NUDT19: variants seen among roughly 807,000 people sequenced by gnomAD.
The protein encoded by NUDT19 is nudix hydrolase 19.
NUDT19 carries 31 observed loss-of-function variants against 22.2 expected under a neutral mutation model. The observed-to-expected ratio is 1.40, with a 90% CI of 1.05 to 1.89. The LOEUF (loss-of-function observed/expected upper bound fraction) is 1.89. Among genes scored for constraint, NUDT19 ranks in the 40% most tolerant of loss-of-function variants. The pLI is 0.00. For synonymous variants in NUDT19, 325 were observed against 230.8 expected (o/e 1.41, Z -3.70); for missense variants, 752 against 514.2 (o/e 1.46, Z -4.47).
At chr19:32,694,121 G>C (rs1210829218) in intron 1 of NUDT19, among the ~76,000 whole-genome samples, 1 of 152,186 alleles carries the variant, frequency 6.6e-6, no homozygotes, top group African/African-American at 2.4e-5. Flanking sequence ...TGACAAGGAG[G>C]TTAAAAATAC....
intron 1 of NUDT19, among the ~76,000 whole-genome samples, chr19:32,705,293 G>A (rs570128136): frequency 6.6e-6 from 1 of 151,266 alleles, no homozygotes; most frequent in South Asian, 2.1e-4. Context: ...TCATGGTGGT[G>A]GGCGCCTATA....
chr19:32,700,796 G>C (rs915789088), intron 1 of NUDT19, among the ~76,000 whole-genome samples: 8 of 152,092 alleles, frequency 5.3e-5, no homozygotes, highest in African/African-American at 1.9e-4. Context: ...AGCATTTTGG[G>C]AGAAGAAGGC....
At chr19:32,692,706 G>C (rs761082926) in intron 1 of NUDT19, 32 bp downstream of exon 1, 1 of 1,412,594 alleles carries the variant, frequency 7.1e-7, no homozygotes, top group Non-Finnish European at 9.2e-7. Context: ...GCTGCGGACC[G>C]CCAGGACGTG....
intron 1 of NUDT19, among the ~76,000 whole-genome samples, chr19:32,697,613 G>A (rs1422970335): frequency 1.3e-5 from 2 of 152,154 alleles, no homozygotes; most frequent in African/African-American, 4.8e-5. Context: ...CTGACATACG[G>A]CTTGCTGACT....
chr19:32,701,214 T>TTG (rs1968332212), intron 1 of NUDT19, among the ~76,000 whole-genome samples: 1 of 146,966 alleles, frequency 6.8e-6, no homozygotes, highest in Non-Finnish European at 1.5e-5. Flanking sequence ...TTTTTTTTTT[T>TTG]TTTTTTTTTG....
At chr19:32,702,906 C>T (rs1968350465) in intron 1 of NUDT19, among the ~76,000 whole-genome samples, 1 of 152,112 alleles carries the variant, frequency 6.6e-6, no homozygotes, top group Non-Finnish European at 1.5e-5. Context: ...CAGCAATATA[C>T]TTATTTGTTC....
In NUDT19 at chr19:32,711,610, A is replaced by G. The variant is rs564490544; in HGVS notation, c.923-142A>G. ...TCTCAGTTCCAAACATATGAAATAG[A>G]TAAAAATACTGATTTGTATTTCATT... On this transcript the variant is annotated intron_variant, in intron 2 of 2. Transcript: ENST00000397061. 106 of 614,718 alleles carry G rather than the reference A, an allele frequency of 1.7e-4. No individual in the cohort carries two copies. In the South Asian group the frequency reaches 2.0e-3, roughly 12 times the overall value. 38.1% of individuals were successfully genotyped at this position (614,718 alleles called of 1,614,324 possible).
chr19:32,700,308 G>A (rs1380194142), intron 1 of NUDT19, among the ~76,000 whole-genome samples: 1 of 152,158 alleles, frequency 6.6e-6, no homozygotes, highest in Non-Finnish European at 1.5e-5. Context: ...GTGCTAATTG[G>A]TGTATTTACA....
Position 32,692,674 on chromosome 19 carries a change from G to T in NUDT19, c.714G>T (p.Gln238His). 1 of 1,494,208 alleles carries T rather than the reference G, an allele frequency of 6.7e-7. No homozygotes were observed. Among genetic ancestry groups the T allele is most frequent in the East Asian group, 2.5e-5 (1 of 40,528 alleles). 92.6% of individuals were successfully genotyped at this position (1,494,208 alleles called of 1,614,324 possible). A position where few individuals can be genotyped will look rare whatever the true frequency, so the allele number is the denominator to read the frequency against. Reference protein sequence around the residue: ...YPDLAEVVGYQWSSPSEATES... With the variant: ...YPDLAEVVGYHWSSPSEATES... ...ACTTGGCGGAGGTGGTGGGCTACCA[G>T]GTAAGGCCTGCTCAGGGCCTTGCTG... The change falls in exon 1 of 3, where the codon CAG becomes CAT. Residue 238 changes from glutamine (Q) to histidine (H), a missense_variant and splice_region_variant. Coordinates refer to ENST00000397061, the MANE Select transcript of NUDT19 (RefSeq NM_001105570.2).
At chr19:32,702,732 T>C (rs942996879) in intron 1 of NUDT19, among the ~76,000 whole-genome samples, 5 of 152,252 alleles carry the variant, frequency 3.3e-5, no homozygotes, top group Non-Finnish European at 1.5e-5. Flanking sequence ...TAAGGTTAGA[T>C]TCATATCTAC....
intron 1 of NUDT19, among the ~76,000 whole-genome samples, chr19:32,701,328 C>T (rs1250696337): frequency 6.6e-6 from 1 of 150,820 alleles, no homozygotes; most frequent in Non-Finnish European, 1.5e-5. Flanking sequence ...TCCTCAGTCT[C>T]CCAAGCAGCT....
chr19:32,708,921 C>T (rs1382495626), intron 1 of NUDT19, among the ~76,000 whole-genome samples: 1 of 152,188 alleles, frequency 6.6e-6, no homozygotes, highest in African/African-American at 2.4e-5. Flanking sequence ...TTATGCTGAA[C>T]AGCTCTCCCA....
rs1009817823 is a variant in NUDT19, at chr19:32,712,898, A to G, written c.*941A>G. 5.9e-5 allele frequency: 9 copies of G among 152,166 alleles called. No homozygotes were observed. The highest frequency in any genetic ancestry group is 1.2e-4 in the Non-Finnish European group (8 of 68,044). The allele number at this position is 152,166 out of a possible 1,614,324, so 9.4% of individuals were successfully genotyped here. A position where few individuals can be genotyped will look rare whatever the true frequency, so the allele number is the denominator to read the frequency against. On this transcript the variant is annotated 3_prime_UTR_variant, in exon 3 of 3. Coordinates refer to ENST00000397061, the MANE Select transcript of NUDT19 (RefSeq NM_001105570.2). ...TGTTCTGCTGTTTATTGTTCTTGTT[A>G]TCCACTGTATTAGCACCTTCCCTGA...
chr19:32,711,005 A>T (rs916606907), intron 2 of NUDT19, among the ~76,000 whole-genome samples: 1 of 152,214 alleles, frequency 6.6e-6, no homozygotes, highest in African/African-American at 2.4e-5. Context: ...TGAAACATCA[A>T]AAGTATATGA....
chr19:32,710,137 G>A (rs1161100739), intron 2 of NUDT19, among the ~76,000 whole-genome samples: 2 of 150,922 alleles, frequency 1.3e-5, no homozygotes, highest in Middle Eastern at 3.4e-3. Flanking sequence ...TCAGCCTCCC[G>A]AGTAGCTGGA....
chr19:32,711,621 G>T, intron 2 of NUDT19, 131 bp from the exon 3 acceptor site: 1 of 621,660 alleles, frequency 1.6e-6, no homozygotes, highest in South Asian at 2.1e-5. Context: ...TAAAAATACT[G>T]ATTTGTATTT....
intron 1 of NUDT19, among the ~76,000 whole-genome samples, chr19:32,701,944 G>A (rs1968340248): frequency 6.6e-6 from 1 of 152,186 alleles, no homozygotes; most frequent in Non-Finnish European, 1.5e-5. Flanking sequence ...CTGAGTTCAG[G>A]AGTTTGAGAC....
At chr19:32,700,037 T>C (rs1599798834) in intron 1 of NUDT19, among the ~76,000 whole-genome samples, 1 of 152,236 alleles carries the variant, frequency 6.6e-6, no homozygotes, top group African/African-American at 2.4e-5. Context: ...CGGTGAGTGT[T>C]ACAGCTCATA....
chr19:32,708,496 G>A (rs1249615387), intron 1 of NUDT19, among the ~76,000 whole-genome samples: 5 of 151,968 alleles, frequency 3.3e-5, no homozygotes, highest in African/African-American at 1.2e-4. Context: ...TTATCTAAAT[G>A]TCTATGGAAA....
Sources: allele counts gnomAD v4.1 joint callset (sites outside exome capture counted in the v4.1 genomes callset), GRCh38; gene constraint gnomAD v4.1.1; transcripts MANE v1.5; gene names NCBI Gene and HGNC (gene_info 2026-07-23, HGNC 2026-07-21).